PIGL: variants seen among roughly 807,000 people sequenced by gnomAD.
PIGL encodes phosphatidylinositol glycan anchor biosynthesis class L, also known as N-acetylglucosaminyl-phosphatidylinositol de-N-acetylase.
A neutral mutation model predicts 31.1 loss-of-function variants in PIGL; 22 were observed. That is an observed-to-expected ratio of 0.71 (90% CI 0.51 to 1.01). The LOEUF (loss-of-function observed/expected upper bound fraction) is 1.01, where lower values mean the gene tolerates loss of function less well. Ranked by LOEUF, PIGL falls within the 50% of genes least tolerant of loss-of-function variation. The pLI is 0.00. For missense variants in PIGL, 302 were observed against 315.9 expected (o/e 0.96, Z 0.33); for synonymous variants, 131 against 117.4 (o/e 1.12, Z -0.75).
rs1320240221 is a variant in PIGL at position 16,262,966 on chromosome 17, A to G, written c.335+28896A>G. Among the ~76,000 whole-genome samples the G allele has an allele frequency of 2.6e-5, 4 of 152,178 alleles. No individual in the cohort carries two copies. In the East Asian group the frequency reaches 7.7e-4, roughly 29 times the overall value. On this transcript the variant is annotated intron_variant, in intron 2 of 6. Transcript: ENST00000225609. Reference sequence around the variant, plus strand: ...TGCTAAGTGAAATAAATTAGACACAAAAAGCTACATAGGATTCCATTTATA... The same window carrying G: ...TGCTAAGTGAAATAAATTAGACACAGAAAGCTACATAGGATTCCATTTATA...
At chr17:16,250,666 C>T (rs542890041) in intron 2 of PIGL, among the ~76,000 whole-genome samples, 107 of 152,106 alleles carry the variant, frequency 7.0e-4, no homozygotes, top group Non-Finnish European at 1.3e-3. Flanking sequence ...GACCTGTACT[C>T]GTAACAATAA....
At chr17:16,315,186 G>A (rs1444876065) in intron 4 of PIGL, among the ~76,000 whole-genome samples, 1 of 152,196 alleles carries the variant, frequency 6.6e-6, no homozygotes, top group Non-Finnish European at 1.5e-5. Flanking sequence ...CTCAGAAGAG[G>A]CTGGAGTGCC....
chr17:16,281,645 G>A (rs2092916963), intron 2 of PIGL, among the ~76,000 whole-genome samples: 1 of 152,218 alleles, frequency 6.6e-6, no homozygotes, highest in Admixed American at 6.5e-5. Context: ...TAGCCTGGTA[G>A]GCGTGTATAT....
At chr17:16,281,555 CA>C (rs1416450810) in intron 2 of PIGL, among the ~76,000 whole-genome samples, 3 of 152,186 alleles carry the variant, frequency 2.0e-5, no homozygotes, top group African/African-American at 7.2e-5. Flanking sequence ...CTTAAGTAAC[CA>C]CATCAAATAG....
At chr17:16,217,741 C>T (rs185593905) in intron 1 of PIGL, 352 of 425,984 alleles carry the variant, frequency 8.3e-4, no homozygotes, top group Admixed American at 2.3e-3. Flanking sequence ...TTGGGAACTC[C>T]ACCTGTACTT....
intron 1 of PIGL, chr17:16,218,315 T>C (rs531107426): frequency 6.6e-6 from 1 of 152,356 alleles, no homozygotes; most frequent in Admixed American, 6.5e-5. Context: ...TCGTTTTTAC[T>C]CGACATTACT....
At chr17:16,245,577 G>A (rs1016673037) in intron 2 of PIGL, among the ~76,000 whole-genome samples, 5 of 149,656 alleles carry the variant, frequency 3.3e-5, no homozygotes, top group Non-Finnish European at 7.4e-5. Context: ...CTAATTTTTT[G>A]TATTTTTAGT....
chr17:16,224,661 A>G (rs888388762), intron 1 of PIGL, among the ~76,000 whole-genome samples: 9 of 150,890 alleles, frequency 6.0e-5, no homozygotes, highest in African/African-American at 2.2e-4. Flanking sequence ...TCTTGCTGAC[A>G]TTTTTTCCCC....
intron 2 of PIGL, among the ~76,000 whole-genome samples, chr17:16,238,353 A>T (rs2092708406): frequency 6.6e-6 from 1 of 151,968 alleles, no homozygotes; most frequent in Non-Finnish European, 1.5e-5. Flanking sequence ...TCAGAAAAAA[A>T]TAAATACCTA....
chr17:16,253,940 C>A (rs1317782705), intron 2 of PIGL, among the ~76,000 whole-genome samples: 2 of 151,046 alleles, frequency 1.3e-5, no homozygotes, highest in African/African-American at 4.9e-5. Flanking sequence ...GAGACTTTGT[C>A]TAAGTAAAAA....
chr17:16,321,211 T>C (rs544675486), intron 6 of PIGL, among the ~76,000 whole-genome samples: 18 of 150,852 alleles, frequency 1.2e-4, no homozygotes, highest in Non-Finnish European at 2.4e-4. Flanking sequence ...GTGCTGGGAT[T>C]ACAGGCATGA....
rs56119927 is a variant in PIGL, at chr17:16,252,065, C to CCTTTTTTTTTTCTTTTTTTTTTTTT, written c.335+18006_335+18007insCTTTTTTTTTTTTTCTTTTTTTTTT. Among the ~76,000 whole-genome samples the CCTTTTTTTTTTCTTTTTTTTTTTTT allele has an allele frequency of 3.2e-5, 4 of 125,190 alleles. 1 individual carries two copies. The highest frequency in any genetic ancestry group is 1.1e-4 in the African/African-American group (4 of 36,506). The allele number at this position is 125,190 out of a possible 152,430, so 82.1% of individuals were successfully genotyped here. On this transcript the variant is annotated intron_variant, in intron 2 of 6. Coordinates refer to ENST00000225609, the MANE Select transcript of PIGL (RefSeq NM_004278.4). ...CTCTATGCGCAGATAATTTTTTTTT[C>CCTTTTTTTTTTCTTTTTTTTTTTTT]CTTTTTTTTTTTTTCTTTTTTTTTG...
At chr17:16,309,952 C>A (rs1176695472) in intron 3 of PIGL, among the ~76,000 whole-genome samples, 3 of 151,806 alleles carry the variant, frequency 2.0e-5, no homozygotes, top group Admixed American at 2.0e-4. Flanking sequence ...GTGGCACGTA[C>A]CTGTAGTCCC....
intron 1 of PIGL, among the ~76,000 whole-genome samples, chr17:16,231,986 AG>A (rs1166017821): frequency 1.3e-5 from 2 of 152,138 alleles, no homozygotes; most frequent in East Asian, 3.8e-4. Context: ...TAAACAAATT[AG>A]GGGGAGATGG....
At chr17:16,314,669 T>G (rs901514292) in intron 4 of PIGL, among the ~76,000 whole-genome samples, 6 of 152,206 alleles carry the variant, frequency 3.9e-5, no homozygotes, top group Non-Finnish European at 8.8e-5. Context: ...TAAAGACTAT[T>G]CGGTTCCTGG....
At chr17:16,265,136 T>C (rs981861100) in intron 2 of PIGL, among the ~76,000 whole-genome samples, 20 of 152,090 alleles carry the variant, frequency 1.3e-4, no homozygotes, top group Non-Finnish European at 1.5e-5. Context: ...CACTGTGTCA[T>C]TGTGAGGTAA....
At chr17:16,308,388 A>G (rs1311484648) in intron 3 of PIGL, among the ~76,000 whole-genome samples, 1 of 152,124 alleles carries the variant, frequency 6.6e-6, no homozygotes, top group East Asian at 1.9e-4. Context: ...GGGGGATAGT[A>G]GTGTCTTCTC....
At chr17:16,290,385 CA>C (rs1568826150) in intron 2 of PIGL, among the ~76,000 whole-genome samples, 1 of 151,328 alleles carries the variant, frequency 6.6e-6, no homozygotes, top group Non-Finnish European at 1.5e-5. Context: ...CCCCTTCCTC[CA>C]CTCCTCTTCC....
rs114659268 is a variant in PIGL at position 16,326,262 on chromosome 17, G to A, written c.*364G>A. 1,023 of 198,044 alleles carry A rather than the reference G, an allele frequency of 5.2e-3. 10 individuals are homozygous for A. The highest frequency in any genetic ancestry group is 0.022 in the African/African-American group (954 of 43,334). The allele number at this position is 198,044 out of a possible 1,614,324, so 12.3% of individuals were successfully genotyped here. A position where few individuals can be genotyped will look rare whatever the true frequency, so the allele number is the denominator to read the frequency against. On this transcript the variant is annotated 3_prime_UTR_variant, in exon 7 of 7. Transcript: ENST00000225609. ...AAAAGTGCTCTAAAAACACTCCACA[G>A]ATGTGACTTTTACATTGTTTCCAAA...
Sources: allele counts gnomAD v4.1 joint callset (sites outside exome capture counted in the v4.1 genomes callset), GRCh38; gene constraint gnomAD v4.1.1; transcripts MANE v1.5; gene names NCBI Gene and HGNC (gene_info 2026-07-23, HGNC 2026-07-21).